CDC73: variants seen among roughly 807,000 people sequenced by gnomAD.
CDC73 encodes the protein cell division cycle 73.
CDC73 carries 21 observed loss-of-function variants against 83.7 expected under a neutral mutation model. The observed-to-expected ratio is 0.25, with a 90% CI of 0.18 to 0.36. The LOEUF is 0.36. Among genes scored for constraint, CDC73 ranks in the 10% least tolerant of loss-of-function variants. The probability of loss-of-function intolerance (pLI) is 1.00; values close to 1 mark genes in which losing one functional copy is unlikely to be tolerated. For missense variants in CDC73, 342 were observed against 653.3 expected, an observed-to-expected ratio of 0.52 and a Z score of 5.19; for synonymous variants, 224 against 212.9, an observed-to-expected ratio of 1.05 and a Z score of -0.45.
At chr1:193,185,383 A>T (rs1458344365) in intron 10 of CDC73, among the ~76,000 whole-genome samples, 1 of 152,022 alleles carries the variant, frequency 6.6e-6, no homozygotes, top group Non-Finnish European at 1.5e-5. Context: ...ATAAACTCAC[A>T]CTACCTTATG....
rs1209522518 is a variant in CDC73, at chr1:193,231,137, TGCA to T, written c.1155-1855_1155-1853del. 4.6e-5 allele frequency among the ~76,000 whole-genome samples: 7 copies of T among 152,322 alleles called. No homozygotes were observed. The East Asian group carries it at 1.2e-3, about 25-fold the overall frequency. ...ATAGATCACTCATTTGTATGTATTT[TGCA>T]TTCTAGTCATATGATTATAAGTAAT... On this transcript the variant is annotated intron_variant, in intron 13 of 16. Transcript: ENST00000367435.
chr1:193,137,691 A>T (rs1364669774), intron 5 of CDC73, among the ~76,000 whole-genome samples: 1 of 152,100 alleles, frequency 6.6e-6, no homozygotes, highest in Non-Finnish European at 1.5e-5. Flanking sequence ...GTAGCAACAG[A>T]TGAAAAAAAA....
At chr1:193,138,906 C>G (rs1675851147) in intron 6 of CDC73, among the ~76,000 whole-genome samples, 1 of 151,328 alleles carries the variant, frequency 6.6e-6, no homozygotes, top group African/African-American at 2.4e-5. Flanking sequence ...TCCCGAGTAG[C>G]TGGGATTACA....
chr1:193,234,206 CACACACACACACACAT>C (rs1171534431), intron 14 of CDC73, among the ~76,000 whole-genome samples: 16 of 41,794 alleles, frequency 3.8e-4, no homozygotes, highest in East Asian at 2.6e-3. Flanking sequence ...CACACACACA[CACACACACACACACAT>C]ATATATATTT....
Position 193,178,267 on chromosome 1 carries a change from C to A in CDC73, c.973-25528C>A, listed in dbSNP as rs547224253. Among the ~76,000 whole-genome samples the A allele has an allele frequency of 6.6e-5, 10 of 152,020 alleles. No homozygotes were observed. In the East Asian group the frequency reaches 9.6e-4, roughly 15 times the overall value. On this transcript the variant is annotated intron_variant, in intron 10 of 16. Coordinates refer to ENST00000367435, the MANE Select transcript of CDC73 (RefSeq NM_024529.5). Reference sequence around the variant, plus strand: ...ACAGTGTCTGATATCAGATTACTATCGTTTTTCAAGATAATGTTAGGAATA... The same window carrying A: ...ACAGTGTCTGATATCAGATTACTATAGTTTTTCAAGATAATGTTAGGAATA...
chr1:193,201,862 GT>G (rs1466379594), intron 10 of CDC73, among the ~76,000 whole-genome samples: 7 of 151,788 alleles, frequency 4.6e-5, no homozygotes, highest in Non-Finnish European at 1.0e-4. Flanking sequence ...ATCACTTTCG[GT>G]TTGTGTAGTT....
intron 10 of CDC73, among the ~76,000 whole-genome samples, chr1:193,174,643 T>C (rs892271192): frequency 9.9e-5 from 15 of 152,196 alleles, no homozygotes; most frequent in African/African-American, 3.4e-4. Flanking sequence ...GGTGATTCTT[T>C]ATTACATTGT....
At chr1:193,178,620 T>C (rs894613117) in intron 10 of CDC73, among the ~76,000 whole-genome samples, 2 of 152,110 alleles carry the variant, frequency 1.3e-5, no homozygotes, top group African/African-American at 4.8e-5. Flanking sequence ...TATTATCCCC[T>C]TATGTGTGAC....
At chr1:193,127,239 A>G (rs1423239803) in intron 2 of CDC73, among the ~76,000 whole-genome samples, 2 of 151,614 alleles carry the variant, frequency 1.3e-5, no homozygotes, top group East Asian at 3.9e-4. Flanking sequence ...ACACCAATGC[A>G]TCTATCCTGG....
At chr1:193,156,060 G>T (rs1676202051) in intron 10 of CDC73, among the ~76,000 whole-genome samples, 1 of 152,054 alleles carries the variant, frequency 6.6e-6, no homozygotes, top group Admixed American at 6.6e-5. Context: ...TTTGTGATAG[G>T]GTCATATTAG....
intron 13 of CDC73, among the ~76,000 whole-genome samples, chr1:193,225,635 G>C (rs1677554432): frequency 6.6e-6 from 1 of 151,984 alleles, no homozygotes; most frequent in South Asian, 2.1e-4. Flanking sequence ...TTTTGGTTTT[G>C]ATTTGCATTT....
At chr1:193,212,289 C>T (rs1008478384) in intron 12 of CDC73, 101 bp from the exon 13 acceptor site, 3 of 920,854 alleles carry the variant, frequency 3.3e-6, no homozygotes, top group Non-Finnish European at 5.0e-6. Flanking sequence ...TTTTTTAGAT[C>T]AAAAGTTAAA....
At chr1:193,216,429 G>A (rs150685250) in intron 13 of CDC73, among the ~76,000 whole-genome samples, 21 of 152,180 alleles carry the variant, frequency 1.4e-4, no homozygotes, top group Non-Finnish European at 2.6e-4. Context: ...AATGAGTTCC[G>A]AATTTGAATC....
chr1:193,212,186 A>G (rs1677291278), intron 12 of CDC73, 86 bp downstream of exon 12: 13 of 1,133,722 alleles, frequency 1.1e-5, no homozygotes, highest in Admixed American at 2.0e-5. Flanking sequence ...GTGCAGCTGT[A>G]TCACATGTTT....
intron 7 of CDC73, among the ~76,000 whole-genome samples, 156 bp from the exon 8 acceptor site, chr1:193,147,711 G>C (rs770662236): frequency 6.6e-6 from 1 of 152,182 alleles, no homozygotes; most frequent in Non-Finnish European, 1.5e-5. Context: ...CAATATCTTA[G>C]TAGTGGTTGG....
intron 10 of CDC73, among the ~76,000 whole-genome samples, chr1:193,161,653 A>AATATATT (rs1245053580): frequency 2.7e-5 from 2 of 72,766 alleles, no homozygotes; most frequent in African/African-American, 1.1e-4. Context: ...TATAATATAT[A>AATATATT]ATATATTATA....
chr1:193,209,976 A>C (rs968204848), intron 11 of CDC73, among the ~76,000 whole-genome samples: 1 of 151,838 alleles, frequency 6.6e-6, no homozygotes, highest in Non-Finnish European at 1.5e-5. Context: ...TTACCCCTTT[A>C]TCTCTCCAAC....
chr1:193,163,665 C>T (rs541683647), intron 10 of CDC73, among the ~76,000 whole-genome samples: 1 of 152,148 alleles, frequency 6.6e-6, no homozygotes, highest in African/African-American at 2.4e-5. Context: ...TTTTGGGGCA[C>T]CTGTGATAGA....
intron 15 of CDC73, among the ~76,000 whole-genome samples, chr1:193,240,653 T>C (rs571764864): frequency 6.6e-6 from 1 of 152,348 alleles, no homozygotes; most frequent in Non-Finnish European, 1.5e-5. Context: ...TATTTGTATG[T>C]TACCTTTTGA....
Sources: gnomAD v4.1 joint callset for allele counts (sites outside exome capture counted in the v4.1 genomes callset) on GRCh38, gnomAD v4.1.1 for gene constraint, MANE v1.5 for transcripts, NCBI Gene and HGNC (gene_info 2026-07-23, HGNC 2026-07-21) for gene names.